SLC35E1: variants seen among roughly 807,000 people sequenced by gnomAD.
SLC35E1 encodes solute carrier family 35, member E1.
SLC35E1 carries 12 observed loss-of-function variants against 31.0 expected under a neutral mutation model. The ratio of observed to expected loss-of-function variants is 0.39; its 90% CI spans 0.25 to 0.63. The LOEUF (loss-of-function observed/expected upper bound fraction) is 0.63, where lower values mean the gene tolerates loss of function less well. SLC35E1 is among the 20% of genes least tolerant of loss of function. The pLI is 0.52. For synonymous variants in SLC35E1, 257 were observed against 264.1 expected, an observed-to-expected ratio of 0.97 and a Z score of 0.26; for missense variants, 429 against 572.2, an observed-to-expected ratio of 0.75 and a Z score of 2.55.
chr19:16,556,012 T>TC (rs2085873479), intron 4 of SLC35E1, among the ~76,000 whole-genome samples: 3 of 151,752 alleles, frequency 2.0e-5, no homozygotes, highest in Admixed American at 2.0e-4. Flanking sequence ...GGTCAGGAGT[T>TC]CAAGACCAGC....
At chr19:16,554,732 C>T (rs2085866102) in intron 5 of SLC35E1, among the ~76,000 whole-genome samples, 1 of 150,118 alleles carries the variant, frequency 6.7e-6, no homozygotes, top group South Asian at 2.1e-4. Flanking sequence ...GCAGGAGAAT[C>T]GCTTGACCCC....
chr19:16,569,838 C>T (rs920064478), intron 2 of SLC35E1, among the ~76,000 whole-genome samples: 1 of 152,122 alleles, frequency 6.6e-6, no homozygotes, highest in African/African-American at 2.4e-5. Context: ...AGGGAGACTC[C>T]GTCTCAGAAA....
At chr19:16,567,790 G>A (rs922584851) in intron 3 of SLC35E1, among the ~76,000 whole-genome samples, 1 of 152,186 alleles carries the variant, frequency 6.6e-6, no homozygotes, top group Non-Finnish European at 1.5e-5. Flanking sequence ...CTGGCCTCAA[G>A]TGAACCGCCC....
chr19:16,556,922 C>T (rs2085877765), intron 4 of SLC35E1: 1 of 471,526 alleles, frequency 2.1e-6, no homozygotes, highest in Non-Finnish European at 4.4e-6. Context: ...AATCCATTTA[C>T]CTGTGCCATA....
intron 4 of SLC35E1, among the ~76,000 whole-genome samples, chr19:16,558,697 A>G (rs1266496988): frequency 1.3e-5 from 2 of 151,504 alleles, no homozygotes; most frequent in African/African-American, 4.8e-5. Flanking sequence ...TGGATAATGT[A>G]GACTGATTTA....
chr19:16,557,342 C>A (rs1309406903), intron 4 of SLC35E1, among the ~76,000 whole-genome samples: 1 of 152,150 alleles, frequency 6.6e-6, no homozygotes, highest in African/African-American at 2.4e-5. Context: ...TACAGGCGCC[C>A]GCCACCGCGC....
chr19:16,563,530 T>G (rs571748870), intron 4 of SLC35E1, among the ~76,000 whole-genome samples: 11 of 152,302 alleles, frequency 7.2e-5, no homozygotes, highest in African/African-American at 2.6e-4. Flanking sequence ...TTTTTTATTT[T>G]TATGAGACAG....
Position 16,553,914 on chromosome 19 carries a change from G to A in SLC35E1, c.1003-5C>T. ...CTGGTTTGCATCGTACTTGGTCTGT[G>A]CCAGAAAGAGAGCAATGAGACAGGA... On this transcript the variant is annotated splice_polypyrimidine_tract_variant and splice_region_variant and intron_variant, in intron 5 of 5. Transcript: ENST00000595753. The A allele has an allele frequency of 1.3e-6, 2 of 1,586,594 alleles. No homozygotes were observed. Among genetic ancestry groups the A allele is most frequent in the South Asian group, 1.1e-5 (1 of 88,058 alleles).
Position 16,555,143 on chromosome 19 carries a change from G to T in SLC35E1, c.1002+9C>A. 1.2e-6 allele frequency: 2 copies of T among 1,614,026 alleles called. No individual in the cohort carries two copies. Among genetic ancestry groups the T allele is most frequent in the African/African-American group, 1.3e-5 (1 of 75,016 alleles). On this transcript the variant is annotated intron_variant, in intron 5 of 5. Transcript: ENST00000595753. This position sits in a 1 kb window ranked among gnomAD's most constrained non-coding sequence, Gnocchi z 4.1. The stretch of plus-strand genomic sequence containing the variant: ...GCTTCCTTCCCTGCCCAGCCTCTCA[G>T]ACTCTCACCTTGTTATAGAGGAAGA...
chr19:16,569,506 A>G (rs557954921), intron 2 of SLC35E1, among the ~76,000 whole-genome samples: 1 of 152,306 alleles, frequency 6.6e-6, no homozygotes, highest in African/African-American at 2.4e-5. Flanking sequence ...AGGGCTAAAC[A>G]ACTCCCAACT....
chr19:16,557,604 G>A (rs1463439880), intron 4 of SLC35E1, among the ~76,000 whole-genome samples: 1 of 152,122 alleles, frequency 6.6e-6, no homozygotes, highest in African/African-American at 2.4e-5. Flanking sequence ...TCCTAAACCT[G>A]GCAACCATCC....
chr19:16,560,942 C>G (rs1246052967), intron 4 of SLC35E1, among the ~76,000 whole-genome samples: 1 of 147,754 alleles, frequency 6.8e-6, no homozygotes, highest in Non-Finnish European at 1.5e-5. Flanking sequence ...TGGCTCACGC[C>G]TGTAATCCTA....
At chr19:16,563,925 C>T (rs2085919432) in intron 4 of SLC35E1, among the ~76,000 whole-genome samples, 2 of 152,158 alleles carry the variant, frequency 1.3e-5, no homozygotes, top group Non-Finnish European at 2.9e-5. Context: ...AAACGAGGAG[C>T]GGAACCAAGC....
chr19:16,571,913 C>T (rs1163358790), intron 1 of SLC35E1, 31 bp downstream of exon 1: 2 of 1,525,590 alleles, frequency 1.3e-6, no homozygotes, highest in Non-Finnish European at 8.8e-7. Flanking sequence ...CGGGCCCGGC[C>T]GCCGCCCCCG....
At chr19:16,563,491 T>A (rs1392942680) in intron 4 of SLC35E1, among the ~76,000 whole-genome samples, 1 of 151,310 alleles carries the variant, frequency 6.6e-6, no homozygotes, top group Admixed American at 6.6e-5. Flanking sequence ...ACAGGGAGAG[T>A]ACAGGAATCA....
chr19:16,569,434 G>C (rs908682782), intron 2 of SLC35E1, among the ~76,000 whole-genome samples: 1 of 152,190 alleles, frequency 6.6e-6, no homozygotes, highest in African/African-American at 2.4e-5. Flanking sequence ...CTCAATAGCT[G>C]CTAGCTGAAT....
At position 16,555,455 on chromosome 19, in the gene SLC35E1, C is replaced by A; in HGVS notation, c.757-58G>T. ...AGTGGGCAGCGGTGACCCTGCCTCCCTGTATCCACCTGGCAGGGTTAGGGG... is the reference window on the plus strand; with the variant it reads ...AGTGGGCAGCGGTGACCCTGCCTCCATGTATCCACCTGGCAGGGTTAGGGG... On this transcript the variant is annotated intron_variant, in intron 4 of 5. Transcript: ENST00000595753. This position sits in a 1 kb window ranked among gnomAD's most constrained non-coding sequence, Gnocchi z 4.1. 1 of 1,585,942 alleles carries A rather than the reference C, an allele frequency of 6.3e-7. No individual in the cohort carries two copies.
Position 16,571,507 on chromosome 19 carries a change from G to A in SLC35E1, c.492+5C>T. 6.2e-7 allele frequency: 1 copy of A among 1,613,840 alleles called. No individual in the cohort carries two copies. Among genetic ancestry groups the A allele is most frequent in the Non-Finnish European group, 8.5e-7 (1 of 1,179,860 alleles). ...CATCTGCCCAGAGTCCCTGCCCGGGGTTACCTTGGTGCTCTGCTTCTCCTT... is the reference window on the plus strand; with the variant it reads ...CATCTGCCCAGAGTCCCTGCCCGGGATTACCTTGGTGCTCTGCTTCTCCTT... On this transcript the variant is annotated splice_donor_5th_base_variant and intron_variant, in intron 2 of 5. Transcript: ENST00000595753.
chr19:16,560,252 T>C (rs2085897998), intron 4 of SLC35E1, among the ~76,000 whole-genome samples: 1 of 152,162 alleles, frequency 6.6e-6, no homozygotes, highest in Non-Finnish European at 1.5e-5. Flanking sequence ...CCACACAATC[T>C]CCTGAGTACT....
Sources: gnomAD v4.1 joint callset for allele counts (sites outside exome capture counted in the v4.1 genomes callset) on GRCh38, gnomAD v4.1.1 for gene constraint, Gnocchi (gnomAD v3.1) non-coding constraint, MANE v1.5 for transcripts, NCBI Gene and HGNC (gene_info 2026-07-23, HGNC 2026-07-21) for gene names.